Variants in LRRTM4 observed in about 807,000 individuals in gnomAD.
LRRTM4 encodes the protein leucine-rich repeat transmembrane neuronal protein 4.
LRRTM4 carries 25 observed loss-of-function variants against 47.6 expected under a neutral mutation model. The observed-to-expected ratio is 0.53, with a 90% CI of 0.38 to 0.73. The LOEUF (loss-of-function observed/expected upper bound fraction) is 0.73. LRRTM4 is among the 30% of genes least tolerant of loss of function. LRRTM4 has a pLI of 0.00. For missense variants in LRRTM4, 638 were observed against 713.4 expected (o/e 0.89, Z 1.20); for synonymous variants, 311 against 269.5 (o/e 1.15, Z -1.51).
chr2:76,830,515 C>CGTGTGTGTGTGTGTGTGTGT (rs57566911), intron 3 of LRRTM4, among the ~76,000 whole-genome samples: 4 of 143,988 alleles, frequency 2.8e-5, no homozygotes, highest in Non-Finnish European at 6.2e-5. Flanking sequence ...GCAGTGTGTG[C>CGTGTGTGTGTGTGTGTGTGT]GTGTGTGTGT....
At chr2:76,751,066 C>T (rs1335949161) in intron 3 of LRRTM4, among the ~76,000 whole-genome samples, 4 of 152,118 alleles carry the variant, frequency 2.6e-5, no homozygotes, top group African/African-American at 9.7e-5. Flanking sequence ...AATGTGTGTA[C>T]TGGGACACAT....
chr2:77,016,716 T>G (rs1266374935), intron 3 of LRRTM4, among the ~76,000 whole-genome samples: 1 of 152,162 alleles, frequency 6.6e-6, no homozygotes, highest in Non-Finnish European at 1.5e-5. Context: ...AATGGAGGCC[T>G]TGAAGTGTTT....
intron 3 of LRRTM4, among the ~76,000 whole-genome samples, chr2:77,067,459 C>G (rs1044916378): frequency 6.6e-6 from 1 of 151,828 alleles, no homozygotes; most frequent in African/African-American, 2.4e-5. Flanking sequence ...TCCACTCAGG[C>G]AGTGTGGGTG....
chr2:77,186,134 A>G (rs1673499026), intron 3 of LRRTM4, among the ~76,000 whole-genome samples: 2 of 152,130 alleles, frequency 1.3e-5, no homozygotes, highest in Non-Finnish European at 2.9e-5. Flanking sequence ...ATGAATTTCT[A>G]TCAAACTAGT....
intron 3 of LRRTM4, among the ~76,000 whole-genome samples, chr2:76,780,865 C>T (rs1040189771): frequency 1.3e-5 from 2 of 149,914 alleles, no homozygotes; most frequent in Admixed American, 6.7e-5. Context: ...TTTTTCTGTT[C>T]TGTTTTTTCC....
chr2:77,317,242 C>T (rs1313333747), intron 3 of LRRTM4, among the ~76,000 whole-genome samples: 1 of 152,092 alleles, frequency 6.6e-6, no homozygotes, highest in Non-Finnish European at 1.5e-5. Context: ...GTGTAATTAT[C>T]ATATTTGCAG....
chr2:76,941,946 C>A (rs904354292), intron 3 of LRRTM4, among the ~76,000 whole-genome samples: 19 of 152,206 alleles, frequency 1.2e-4, no homozygotes, highest in African/African-American at 4.6e-4. Flanking sequence ...AAAATCATTA[C>A]TATTTTTCCA....
chr2:76,923,413 A>G (rs1674493943), intron 3 of LRRTM4, among the ~76,000 whole-genome samples: 1 of 152,016 alleles, frequency 6.6e-6, no homozygotes, highest in African/African-American at 2.4e-5. Context: ...AATAAGTTAT[A>G]TTAATAAATG....
chr2:77,109,418 T>A (rs1671187666), intron 3 of LRRTM4, among the ~76,000 whole-genome samples: 1 of 152,184 alleles, frequency 6.6e-6, no homozygotes, highest in East Asian at 1.9e-4. Context: ...GATAGAAATA[T>A]AAAGTTTCTC....
At chr2:76,982,554 T>C (rs2103969495) in intron 3 of LRRTM4, among the ~76,000 whole-genome samples, 1 of 152,068 alleles carries the variant, frequency 6.6e-6, no homozygotes, top group African/African-American at 2.4e-5. Flanking sequence ...GGACACTGGG[T>C]GAAGGAGCTT....
chr2:76,786,086 C>T (rs1005969348), intron 3 of LRRTM4, among the ~76,000 whole-genome samples: 4 of 152,112 alleles, frequency 2.6e-5, no homozygotes, highest in African/African-American at 9.7e-5. Context: ...TACATTTTCA[C>T]ATTTTCAACC....
rs1318868584 is a variant in LRRTM4 at position 76,778,425 on chromosome 2, C to G, written c.1552-29509G>C. ...TTGGTTGGTAAGCTATTGATTATTG[C>G]CACAATTTCAGCTCCTGTTATTGGT... is the stretch of plus-strand genomic sequence containing the variant. On this transcript the variant is annotated intron_variant, in intron 3 of 3. Transcript: ENST00000409884. Among the ~76,000 whole-genome samples the G allele has an allele frequency of 4.0e-4, 59 of 146,520 alleles. 1 individual carries two copies. The highest frequency in any genetic ancestry group is 1.5e-3 in the African/African-American group (56 of 37,096).
At position 76,980,149 on chromosome 2, in the gene LRRTM4, A is replaced by G. The variant is rs1055009233; in HGVS notation, c.1552-231233T>C. On this transcript the variant is annotated intron_variant, in intron 3 of 3. Transcript: ENST00000409884. ...TATCCATGTTCTTCTGTGCAGATGG[A>G]GGATTATATAAAGCCAGTATTCAGC... Among the ~76,000 whole-genome samples the G allele has an allele frequency of 7.9e-5, 12 of 152,212 alleles. No homozygotes were observed. The East Asian group carries it at 2.3e-3, about 30-fold the overall frequency.
chr2:77,410,926 G>C (rs1674395059), intron 3 of LRRTM4, among the ~76,000 whole-genome samples: 1 of 152,066 alleles, frequency 6.6e-6, no homozygotes, highest in African/African-American at 2.4e-5. Flanking sequence ...CCAAACATTT[G>C]TTGGAAACTT....
At chr2:77,173,670 T>A in intron 3 of LRRTM4, among the ~76,000 whole-genome samples, 1 of 152,120 alleles carries the variant, frequency 6.6e-6, no homozygotes, top group Non-Finnish European at 1.5e-5. Flanking sequence ...TCAGCAGTAA[T>A]AGCTCACTGC....
chr2:77,205,837 T>C (rs1207424701), intron 3 of LRRTM4, among the ~76,000 whole-genome samples: 2 of 152,160 alleles, frequency 1.3e-5, no homozygotes, highest in Non-Finnish European at 2.9e-5. Flanking sequence ...CTAAAGATTG[T>C]GTCTCTTTTT....
chr2:76,900,880 TA>T (rs1212575014), intron 3 of LRRTM4, among the ~76,000 whole-genome samples: 18 of 152,194 alleles, frequency 1.2e-4, no homozygotes, highest in Non-Finnish European at 4.4e-5. Context: ...TTGGATTGAA[TA>T]ATGTTGATTA....
At chr2:76,929,996 A>G (rs1217712422) in intron 3 of LRRTM4, among the ~76,000 whole-genome samples, 1 of 151,806 alleles carries the variant, frequency 6.6e-6, no homozygotes, top group Non-Finnish European at 1.5e-5. Context: ...TCTTAGAGTG[A>G]AATCCAGTTT....
intron 3 of LRRTM4, among the ~76,000 whole-genome samples, chr2:76,794,052 C>T (rs1675122725): frequency 6.6e-6 from 1 of 152,272 alleles, no homozygotes; most frequent in Non-Finnish European, 1.5e-5. Flanking sequence ...GGAAGTCCAA[C>T]CAGGAACTAA....
Sources: gnomAD v4.1 joint callset for allele counts (sites outside exome capture counted in the v4.1 genomes callset) on GRCh38, gnomAD v4.1.1 for gene constraint, MANE v1.5 for transcripts, NCBI Gene and HGNC (gene_info 2026-07-23, HGNC 2026-07-21) for gene names.